Variants in COX7B2 observed in about 807,000 individuals in gnomAD.
COX7B2 encodes cytochrome c oxidase subunit 7B2.
For missense variants in COX7B2, 109 were observed against 95.9 expected, an observed-to-expected ratio of 1.14 and a Z score of -0.57; for synonymous variants, 37 against 32.1, an observed-to-expected ratio of 1.15 and a Z score of -0.51.
At chr4:46,861,930 C>T (rs1717357659) in intron 1 of COX7B2, among the ~76,000 whole-genome samples, 1 of 152,316 alleles carries the variant, frequency 6.6e-6, no homozygotes, top group East Asian at 1.9e-4. Flanking sequence ...ACACCCCTCC[C>T]TGTTATCCAA....
At chr4:46,908,579 A>T (rs1720545447) in intron 1 of COX7B2, among the ~76,000 whole-genome samples, 1 of 152,180 alleles carries the variant, frequency 6.6e-6, no homozygotes, top group Non-Finnish European at 1.5e-5. Flanking sequence ...CCATGCCAGA[A>T]GATACAACTA....
At chr4:46,830,324 C>CAAAAAAAAAAAAAAAAAAAAAAAAAAAA (rs201868075) in intron 2 of COX7B2, among the ~76,000 whole-genome samples, 1 of 82,160 alleles carries the variant, frequency 1.2e-5, no homozygotes, top group African/African-American at 4.7e-5. Flanking sequence ...ACTCTGTCTC[C>CAAAAAAAAAAAAAAAAAAAAAAAAAAAA]AAAAAAAAAA....
intron 1 of COX7B2, among the ~76,000 whole-genome samples, chr4:46,883,562 C>T (rs1718883576): frequency 6.6e-6 from 1 of 151,864 alleles, no homozygotes; most frequent in Admixed American, 6.6e-5. Flanking sequence ...ACGGTAAAAC[C>T]CCGACCCTAC....
At chr4:46,875,490 G>C (rs1718264789) in intron 1 of COX7B2, among the ~76,000 whole-genome samples, 2 of 152,186 alleles carry the variant, frequency 1.3e-5, no homozygotes, top group African/African-American at 4.8e-5. Flanking sequence ...CCTAATGACA[G>C]TTTTTGCCAC....
chr4:46,872,899 C>T (rs980962604), intron 1 of COX7B2, among the ~76,000 whole-genome samples: 20 of 151,924 alleles, frequency 1.3e-4, no homozygotes, highest in Admixed American at 5.2e-4. Flanking sequence ...GGTATACATG[C>T]GCCATGGTGG....
chr4:46,836,684 A>C (rs2109743612), intron 2 of COX7B2, among the ~76,000 whole-genome samples: 1 of 152,314 alleles, frequency 6.6e-6, no homozygotes, highest in South Asian at 2.1e-4. Flanking sequence ...TTTGGTATTA[A>C]GTATAATGAA....
At chr4:46,807,330 T>G (rs1048795991) in intron 2 of COX7B2, among the ~76,000 whole-genome samples, 1 of 152,000 alleles carries the variant, frequency 6.6e-6, no homozygotes, top group African/African-American at 2.4e-5. Flanking sequence ...TGTCTATTCA[T>G]GTCTTCTGAC....
chr4:46,830,324 C>CAAAAAAAAAAA (rs201868075), intron 2 of COX7B2, among the ~76,000 whole-genome samples: 22 of 82,076 alleles, frequency 2.7e-4, no homozygotes, highest in Admixed American at 3.9e-4. Flanking sequence ...ACTCTGTCTC[C>CAAAAAAAAAAA]AAAAAAAAAA....
At chr4:46,812,091 T>C (rs1283747088) in intron 2 of COX7B2, among the ~76,000 whole-genome samples, 4 of 152,110 alleles carry the variant, frequency 2.6e-5, no homozygotes, top group African/African-American at 9.7e-5. Flanking sequence ...TGCAGCACTA[T>C]AATATAATAC....
At chr4:46,809,202 T>C (rs1719160846) in intron 2 of COX7B2, among the ~76,000 whole-genome samples, 1 of 151,928 alleles carries the variant, frequency 6.6e-6, no homozygotes, top group Middle Eastern at 3.4e-3. Context: ...TTTAAGTCTT[T>C]TTTATGATTA....
At chr4:46,759,821 T>TAAG (rs1716028531) in intron 2 of COX7B2, among the ~76,000 whole-genome samples, 1 of 74,922 alleles carries the variant, frequency 1.3e-5, no homozygotes, top group Non-Finnish European at 2.9e-5. Flanking sequence ...ATAAGTTATA[T>TAAG]AAGTCATATC....
intron 1 of COX7B2, among the ~76,000 whole-genome samples, chr4:46,906,066 T>C (rs1413144915): frequency 6.6e-6 from 1 of 151,796 alleles, no homozygotes; most frequent in Non-Finnish European, 1.5e-5. Context: ...CCTGACCTCA[T>C]GATCCACCCG....
chr4:46,817,281 A>G (rs1719605344), intron 2 of COX7B2, among the ~76,000 whole-genome samples: 1 of 152,202 alleles, frequency 6.6e-6, no homozygotes, highest in Non-Finnish European at 1.5e-5. Flanking sequence ...TTATTTGCAT[A>G]AATTATTTTT....
At chr4:46,838,996 T>C (rs554946444) in intron 2 of COX7B2, among the ~76,000 whole-genome samples, 7 of 152,162 alleles carry the variant, frequency 4.6e-5, no homozygotes, top group African/African-American at 1.7e-4. Flanking sequence ...TTAGCGCCTT[T>C]TCAAAACATC....
chr4:46,845,440 C>T (rs1458609120), intron 1 of COX7B2, among the ~76,000 whole-genome samples: 1 of 151,878 alleles, frequency 6.6e-6, no homozygotes, highest in African/African-American at 2.4e-5. Flanking sequence ...ATGGACTTCT[C>T]TAATGTTTGA....
At chr4:46,802,177 T>C (rs1039267170) in intron 2 of COX7B2, among the ~76,000 whole-genome samples, 1 of 152,150 alleles carries the variant, frequency 6.6e-6, no homozygotes, top group Non-Finnish European at 1.5e-5. Flanking sequence ...AAGGGACCAG[T>C]GCTTAGGCAA....
At chr4:46,788,666 A>T (rs1418417395) in intron 2 of COX7B2, among the ~76,000 whole-genome samples, 5 of 152,208 alleles carry the variant, frequency 3.3e-5, no homozygotes, top group African/African-American at 1.2e-4. Context: ...AAATCAATTT[A>T]TGTATTTGTA....
intron 1 of COX7B2, among the ~76,000 whole-genome samples, chr4:46,887,710 CAAA>C (rs564556459): frequency 1.4e-4 from 6 of 41,630 alleles, no homozygotes; most frequent in South Asian, 1.8e-3. Context: ...GACTCCTTCT[CAAA>C]AAAAAAAAAA....
At chr4:46,736,383 C>T in intron 2 of COX7B2, among the ~76,000 whole-genome samples, 1 of 152,006 alleles carries the variant, frequency 6.6e-6, no homozygotes, top group Non-Finnish European at 1.5e-5. Flanking sequence ...AGAAAACAGG[C>T]ATTTGGGAAG....
Sources: allele counts gnomAD v4.1 joint callset (sites outside exome capture counted in the v4.1 genomes callset), GRCh38; gene constraint gnomAD v4.1.1; transcripts MANE v1.5; gene names NCBI Gene and HGNC (gene_info 2026-07-23, HGNC 2026-07-21).